Variants in RAD51B observed in about 807,000 individuals in gnomAD.
RAD51B encodes the protein DNA repair protein RAD51 homolog 2.
A neutral mutation model predicts 42.2 loss-of-function variants in RAD51B; 38 were observed. The observed-to-expected ratio is 0.90, with a 90% CI of 0.70 to 1.18. The LOEUF is 1.18. Among genes scored for constraint, RAD51B ranks in the 50% most tolerant of loss-of-function variants. RAD51B has a pLI of 0.00. For missense variants in RAD51B, 373 were observed against 400.7 expected (o/e 0.93, Z 0.59); for synonymous variants, 154 against 145.2 (o/e 1.06, Z -0.43).
At chr14:68,666,065 C>G (rs1441974372) in intron 11 of RAD51B, among the ~76,000 whole-genome samples, 1 of 152,128 alleles carries the variant, frequency 6.6e-6, no homozygotes, top group African/African-American at 2.4e-5. Context: ...AGGTATAGAG[C>G]TGGAATTGCT....
At chr14:68,515,758 T>C (rs1227733954) in intron 10 of RAD51B, among the ~76,000 whole-genome samples, 1 of 146,604 alleles carries the variant, frequency 6.8e-6, no homozygotes. Context: ...ATTTCTTTCT[T>C]TCTTTCTTTC....
intron 9 of RAD51B, among the ~76,000 whole-genome samples, chr14:68,465,659 G>A (rs372094780): frequency 3.5e-4 from 53 of 152,108 alleles, no homozygotes; most frequent in South Asian, 2.3e-3. Context: ...ACATTGAACC[G>A]GGCCAGGCGT....
At chr14:68,104,042 C>T (rs750257558) in intron 7 of RAD51B, among the ~76,000 whole-genome samples, 3 of 152,130 alleles carry the variant, frequency 2.0e-5, no homozygotes, top group Non-Finnish European at 4.4e-5. Context: ...TAACCTCCTT[C>T]AATGTGACAC....
At chr14:68,655,495 C>T (rs116821739) in intron 11 of RAD51B, among the ~76,000 whole-genome samples, 4,151 of 152,266 alleles carry the variant, frequency 0.027, 167 homozygotes, top group African/African-American at 0.094. Context: ...CATCTGAGGA[C>T]GGCGGATGAA....
Position 68,041,366 on chromosome 14 carries a change from T to C in RAD51B, c.756+154162T>C, listed in dbSNP as rs76821424. 1.4e-3 allele frequency among the ~76,000 whole-genome samples: 216 copies of C among 152,340 alleles called. 5 individuals are homozygous for C. In the East Asian group the frequency reaches 0.038, roughly 27 times the overall value. ...CACTAATACAGTCTCCTTGTCTCTC[T>C]GTAGTGTTATTTTCTTCATGCCATG... On this transcript the variant is annotated intron_variant, in intron 7 of 10. Transcript: ENST00000471583.
At chr14:68,108,028 T>C (rs541215102) in intron 7 of RAD51B, among the ~76,000 whole-genome samples, 1 of 147,416 alleles carries the variant, frequency 6.8e-6, no homozygotes, top group African/African-American at 2.7e-5. Context: ...TTTTAATAGA[T>C]TTTTTCCAAA....
At chr14:67,949,984 C>A (rs1253020129) in intron 7 of RAD51B, among the ~76,000 whole-genome samples, 2 of 152,108 alleles carry the variant, frequency 1.3e-5, no homozygotes, top group Non-Finnish European at 2.9e-5. Context: ...AAACAGATGT[C>A]CTGTCATCCA....
chr14:68,385,360 A>G (rs567165415), intron 8 of RAD51B, among the ~76,000 whole-genome samples: 1 of 151,802 alleles, frequency 6.6e-6, no homozygotes, highest in Non-Finnish European at 1.5e-5. Flanking sequence ...TTCGCCTTAC[A>G]CCCCCTAGCA....
At chr14:67,960,853 G>A (rs2074649531) in intron 7 of RAD51B, among the ~76,000 whole-genome samples, 1 of 152,024 alleles carries the variant, frequency 6.6e-6, no homozygotes, top group Admixed American at 6.6e-5. Context: ...ATTTTTTGTA[G>A]AGACAGGGTC....
intron 7 of RAD51B, among the ~76,000 whole-genome samples, chr14:68,108,901 G>A (rs957594608): frequency 6.6e-6 from 1 of 151,736 alleles, no homozygotes; most frequent in Non-Finnish European, 1.5e-5. Flanking sequence ...GTACAATATA[G>A]TCTCAACCTT....
At chr14:68,600,010 C>T (rs968692577), downstream of RAD51B, among the ~76,000 whole-genome samples, 1 of 152,144 alleles carries the variant, frequency 6.6e-6, no homozygotes, top group African/African-American at 2.4e-5. Context: ...GACCAAACCC[C>T]CATCGAAACC....
chr14:68,064,051 T>A (rs561147000), intron 7 of RAD51B, among the ~76,000 whole-genome samples: 1 of 152,356 alleles, frequency 6.6e-6, no homozygotes, highest in African/African-American at 2.4e-5. Context: ...GTCAGTGTTT[T>A]ATGCTTCCCC....
At chr14:68,393,243 C>G (rs926823347) in intron 8 of RAD51B, among the ~76,000 whole-genome samples, 6 of 152,208 alleles carry the variant, frequency 3.9e-5, no homozygotes, top group African/African-American at 1.4e-4. Flanking sequence ...ATTCCAGGGA[C>G]TAGCCCTGCT....
intron 8 of RAD51B, among the ~76,000 whole-genome samples, chr14:68,354,345 T>A (rs546863750): frequency 6.6e-6 from 1 of 151,080 alleles, no homozygotes; most frequent in Non-Finnish European, 1.5e-5. Context: ...GCCTCCAGAG[T>A]AGCTGGGACT....
chr14:68,024,815 C>T (rs1190972845), intron 7 of RAD51B, among the ~76,000 whole-genome samples: 1 of 151,850 alleles, frequency 6.6e-6, no homozygotes, highest in Non-Finnish European at 1.5e-5. Context: ...TCTTCTTTTC[C>T]TATTTGGATG....
intron 10 of RAD51B, among the ~76,000 whole-genome samples, chr14:68,575,353 C>A (rs1889914431): frequency 6.6e-6 from 1 of 152,190 alleles, no homozygotes; most frequent in Admixed American, 6.5e-5. Flanking sequence ...GCTTACATGA[C>A]AAGCTCCCTC....
chr14:68,551,409 T>C (rs1202529486), intron 10 of RAD51B, among the ~76,000 whole-genome samples: 1 of 152,240 alleles, frequency 6.6e-6, no homozygotes, highest in Non-Finnish European at 1.5e-5. Flanking sequence ...AGTGCCTGGC[T>C]GTGATAAGCA....
At chr14:68,066,135 A>T (rs999490010) in intron 7 of RAD51B, among the ~76,000 whole-genome samples, 1 of 152,102 alleles carries the variant, frequency 6.6e-6, no homozygotes, top group African/African-American at 2.4e-5. Flanking sequence ...TATACAGTAT[A>T]GTCTTATGAA....
chr14:68,102,495 A>G (rs1308094441), intron 7 of RAD51B, among the ~76,000 whole-genome samples: 1 of 152,150 alleles, frequency 6.6e-6, no homozygotes, highest in African/African-American at 2.4e-5. Flanking sequence ...ACAAGAGTCA[A>G]CTTTGCTCCA....
Sources: gnomAD v4.1 joint callset for allele counts (sites outside exome capture counted in the v4.1 genomes callset) on GRCh38, gnomAD v4.1.1 for gene constraint, MANE v1.5 for transcripts, NCBI Gene and HGNC (gene_info 2026-07-23, HGNC 2026-07-21) for gene names.